The following KLHL14 variants were observed in gnomAD, a reference collection of about 807,000 sequenced individuals.
KLHL14 encodes the protein kelch-like protein 14.
In KLHL14, 22 loss-of-function variants were observed where a neutral mutation model predicts 64.3. The observed-to-expected ratio is 0.34, with a 90% CI of 0.24 to 0.49. The LOEUF is 0.49. Ranked by LOEUF, KLHL14 falls within the 20% of genes least tolerant of loss-of-function variation. The pLI, the probability that KLHL14 is intolerant of heterozygous loss-of-function variation, is 0.99. For missense variants in KLHL14, 661 were observed against 789.0 expected (o/e 0.84, Z 1.94); for synonymous variants, 322 against 333.4 (o/e 0.97, Z 0.37).
chr18:32,753,496 C>T (rs1458580459), intron 2 of KLHL14, among the ~76,000 whole-genome samples: 13 of 151,496 alleles, frequency 8.6e-5, no homozygotes, highest in African/African-American at 2.7e-4. Context: ...CATGCAGTTA[C>T]GGTAGTTGGC....
At chr18:32,696,458 T>C (rs544684718) in intron 3 of KLHL14, among the ~76,000 whole-genome samples, 1 of 152,332 alleles carries the variant, frequency 6.6e-6, no homozygotes, top group African/African-American at 2.4e-5. Context: ...ACAGCATTAG[T>C]TATCATATCT....
At chr18:32,731,722 A>G (rs898011753) in intron 3 of KLHL14, among the ~76,000 whole-genome samples, 2 of 151,898 alleles carry the variant, frequency 1.3e-5, no homozygotes, top group African/African-American at 2.4e-5. Flanking sequence ...ACGTGTATAT[A>G]TCTATATAAA....
chr18:32,710,116 G>T (rs2050011485), intron 3 of KLHL14, among the ~76,000 whole-genome samples: 1 of 152,192 alleles, frequency 6.6e-6, no homozygotes, highest in Non-Finnish European at 1.5e-5. Context: ...GAGCTATTGT[G>T]AGAATTCAGT....
chr18:32,685,777 G>A (rs2049874002), intron 5 of KLHL14, among the ~76,000 whole-genome samples: 2 of 152,130 alleles, frequency 1.3e-5, no homozygotes, highest in African/African-American at 4.8e-5. Context: ...AGAGTAGAAA[G>A]TTAGATATTG....
At chr18:32,684,924 C>T (rs2049869058) in intron 5 of KLHL14, among the ~76,000 whole-genome samples, 1 of 152,066 alleles carries the variant, frequency 6.6e-6, no homozygotes, top group Non-Finnish European at 1.5e-5. Flanking sequence ...CCTGGGTCAA[C>T]CAGCCCATAG....
chr18:32,678,785 A>G (rs957723488), intron 7 of KLHL14, among the ~76,000 whole-genome samples: 2 of 152,146 alleles, frequency 1.3e-5, no homozygotes, highest in Admixed American at 6.5e-5. Flanking sequence ...TACAATGTCT[A>G]TATCCTCTCC....
chr18:32,747,174 A>G lies in KLHL14; in HGVS notation c.948-5125T>C, dbSNP rs529790265. Among the ~76,000 whole-genome samples, 14 of 152,250 alleles carry G rather than the reference A, an allele frequency of 9.2e-5. 1 individual carries two copies. The South Asian group carries it at 2.9e-3, about 32-fold the overall frequency. On this transcript the variant is annotated intron_variant, in intron 2 of 8. Coordinates refer to ENST00000359358, the MANE Select transcript of KLHL14 (RefSeq NM_020805.3). ...CCTCTTAAGCTGAGCTGAAAAACCT[A>G]CCTAGGTTTTCTAGAGCAGTGGTCC...
chr18:32,742,545 G>A (rs982132152), intron 2 of KLHL14, among the ~76,000 whole-genome samples: 2 of 152,152 alleles, frequency 1.3e-5, no homozygotes, highest in Non-Finnish European at 2.9e-5. Flanking sequence ...GGTACAATTA[G>A]TAGCACAGGG....
At chr18:32,741,884 G>A (rs937477419) in intron 3 of KLHL14, 44 bp downstream of exon 3, 1 of 1,507,908 alleles carries the variant, frequency 6.6e-7, no homozygotes, top group Non-Finnish European at 8.8e-7. Context: ...GCGCTAACCT[G>A]AAATAAATAG....
At chr18:32,711,186 T>C (rs2050017384) in intron 3 of KLHL14, among the ~76,000 whole-genome samples, 1 of 151,920 alleles carries the variant, frequency 6.6e-6, no homozygotes, top group South Asian at 2.1e-4. Flanking sequence ...CCTCTTCAAG[T>C]CACAGCCCAT....
At position 32,769,915 on chromosome 18, in the gene KLHL14, T is replaced by C. The variant is rs375716489; in HGVS notation, c.677A>G (p.Asp226Gly). 128 of 1,613,702 alleles carry C rather than the reference T, an allele frequency of 7.9e-5. No individual in the cohort carries two copies. Among genetic ancestry groups the C allele is most frequent in the Non-Finnish European group, 8.0e-5 (94 of 1,179,982 alleles). ...CGACTCCACGGGGGGCGGCAGCGAGTCCAGCAGGGCGCGCATCTCCTCGAA... is the reference window on the plus strand; with the variant it reads ...CGACTCCACGGGGGGCGGCAGCGAGCCCAGCAGGGCGCGCATCTCCTCGAA... The part of the protein sequence containing the change: ...LNFEEMRALL[D>G]SLPPPVESEL... Residue 226 changes from aspartate to glycine, a missense_variant, in exon 2 of 9, where the codon GAC becomes GGC. This residue lies in a region of KLHL14 where 331 missense variants were observed against 339.0 expected (regional missense o/e 0.98). Transcript: ENST00000359358.
intron 3 of KLHL14, among the ~76,000 whole-genome samples, chr18:32,699,904 G>A (rs1359533530): frequency 6.6e-6 from 1 of 151,784 alleles, no homozygotes; most frequent in Non-Finnish European, 1.5e-5. Flanking sequence ...AGCCAGTTAA[G>A]GGTGGGTAGA....
intron 3 of KLHL14, among the ~76,000 whole-genome samples, chr18:32,723,528 C>A (rs1309857301): frequency 6.6e-6 from 1 of 152,124 alleles, no homozygotes; most frequent in African/African-American, 2.4e-5. Flanking sequence ...TAATGAAGGT[C>A]CTTAGTTGGC....
At chr18:32,753,012 A>C (rs138454511) in intron 2 of KLHL14, among the ~76,000 whole-genome samples, 59 of 144,564 alleles carry the variant, frequency 4.1e-4, no homozygotes, top group Non-Finnish European at 6.8e-4. Flanking sequence ...AAGCTTTCTC[A>C]GTGATTCTAT....
chr18:32,712,054 GTTT>G (rs1291142037), intron 3 of KLHL14, among the ~76,000 whole-genome samples: 2 of 152,072 alleles, frequency 1.3e-5, no homozygotes, highest in Admixed American at 1.3e-4. Flanking sequence ...CCCACCATTT[GTTT>G]TTGTTAATAA....
At chr18:32,764,052 C>G (rs944153463) in intron 2 of KLHL14, among the ~76,000 whole-genome samples, 15 of 152,176 alleles carry the variant, frequency 9.9e-5, no homozygotes, top group Non-Finnish European at 1.2e-4. Context: ...GCTGGAGATA[C>G]AGATTGACAC....
chr18:32,747,198 C>T (rs2050227869), intron 2 of KLHL14, among the ~76,000 whole-genome samples: 1 of 152,134 alleles, frequency 6.6e-6, no homozygotes, highest in South Asian at 2.1e-4. Flanking sequence ...GAGCAGTGGT[C>T]CTCAACCTTT....
intron 3 of KLHL14, among the ~76,000 whole-genome samples, chr18:32,712,697 T>G (rs1366253073): frequency 6.6e-6 from 1 of 152,232 alleles, no homozygotes; most frequent in African/African-American, 2.4e-5. Context: ...TCAAAAAAGT[T>G]GTCTTTGCTC....
chr18:32,673,155 AC>A lies in KLHL14; in HGVS notation c.*1501del, dbSNP rs2049793723. On this transcript the variant is annotated 3_prime_UTR_variant, in exon 9 of 9. Coordinates refer to ENST00000359358, the MANE Select transcript of KLHL14 (RefSeq NM_020805.3). ...GAACATACAAATAAATACAAAAACA[AC>A]GAAGATTGCACTTTACTGTAGAAAC... 6.6e-6 allele frequency: 1 copy of A among 152,610 alleles called. No homozygotes were observed. The highest frequency in any genetic ancestry group is 1.5e-5 in the Non-Finnish European group (1 of 68,022). The allele number at this position is 152,610 out of a possible 1,614,324, so 9.5% of individuals were successfully genotyped here. A position where few individuals can be genotyped will look rare whatever the true frequency, so the allele number is the denominator to read the frequency against.
Sources: allele counts gnomAD v4.1 joint callset (sites outside exome capture counted in the v4.1 genomes callset), GRCh38; gene constraint gnomAD v4.1.1; regional missense constraint gnomAD v4.1.1; transcripts MANE v1.5; gene names NCBI Gene and HGNC (gene_info 2026-07-23, HGNC 2026-07-21).